GARS1: variants seen among roughly 807,000 people sequenced by gnomAD.
GARS1 encodes the protein glycine--tRNA ligase.
Under a neutral mutation model 86.4 loss-of-function variants are expected in GARS1, and 46 were observed. That is an observed-to-expected ratio of 0.53 (90% confidence interval 0.42 to 0.68). The LOEUF is 0.68. Ranked by LOEUF, GARS1 falls within the 30% of genes least tolerant of loss-of-function variation. The probability of loss-of-function intolerance (pLI) is 0.00; values close to 1 mark genes in which losing one functional copy is unlikely to be tolerated. For missense variants in GARS1, 797 were observed against 915.6 expected (o/e 0.87, Z 1.67); for synonymous variants, 342 against 329.8 (o/e 1.04, Z -0.40).
intron 12 of GARS1, among the ~76,000 whole-genome samples, chr7:30,624,044 A>G (rs949711449): frequency 6.6e-6 from 1 of 152,208 alleles, no homozygotes; most frequent in Non-Finnish European, 1.5e-5. Flanking sequence ...GTGGCCCAGG[A>G]TGGCTTTTGA....
rs539014232 is a variant in GARS1 at position 30,598,386 on chromosome 7, T to TC, written c.223-410_223-409insC. 4.7e-3 allele frequency among the ~76,000 whole-genome samples: 696 copies of TC among 148,558 alleles called. 8 individuals carry two copies. The highest frequency in any genetic ancestry group is 0.018 in the South Asian group (84 of 4,660). The stretch of plus-strand genomic sequence containing the variant: ...TTTGAATTGCATCATTCTTTTTTTT[T>TC]TTTTTTTTTTTTTTCATTTTGAGAC... On this transcript the variant is annotated intron_variant, in intron 1 of 16. Coordinates refer to ENST00000389266, the MANE Select transcript of GARS1 (RefSeq NM_002047.4).
chr7:30,617,746 A>AT (rs1782918751), intron 10 of GARS1, among the ~76,000 whole-genome samples: 1 of 152,166 alleles, frequency 6.6e-6, no homozygotes, highest in South Asian at 2.1e-4. Context: ...CTCAAATGTT[A>AT]TGTATTTAAC....
In GARS1 at chr7:30,632,482, C is replaced by G. The variant is rs780035345; in HGVS notation, c.2094+45C>G. Reference sequence around the variant, plus strand: ...GCATTTTTAGCCTTAGAAATGTGTACTGCTTCTTACTGATTTGTGTTGGAT... The same window carrying G: ...GCATTTTTAGCCTTAGAAATGTGTAGTGCTTCTTACTGATTTGTGTTGGAT... On this transcript the variant is annotated intron_variant, in intron 16 of 16. Coordinates refer to ENST00000389266, the MANE Select transcript of GARS1 (RefSeq NM_002047.4). This position sits in a 1 kb window ranked among gnomAD's most constrained non-coding sequence, Gnocchi z 4.1. 3.2e-6 allele frequency: 5 copies of G among 1,572,954 alleles called. No individual in the cohort carries two copies. The African/African-American group carries it at 5.4e-5, about 17-fold the overall frequency.
chr7:30,607,839 T>C (rs1791514406), intron 6 of GARS1, among the ~76,000 whole-genome samples: 2 of 152,192 alleles, frequency 1.3e-5, no homozygotes, highest in African/African-American at 4.8e-5. Flanking sequence ...TCCTGAGCAG[T>C]TTTTAACTTA....
chr7:30,617,083 T>C (rs1782903166), intron 9 of GARS1, 31 bp from the exon 10 acceptor site: 4 of 1,612,172 alleles, frequency 2.5e-6, no homozygotes, highest in Non-Finnish European at 3.4e-6. Context: ...TTTTCTTTTC[T>C]TCCTCCATGC....
At chr7:30,594,778 G>C (rs544405016), upstream of GARS1, 24 of 688,294 alleles carry the variant, frequency 3.5e-5, no homozygotes, top group Admixed American at 5.1e-4. Context: ...CTGCGGCGGC[G>C]ACCCGGCGCC....
In GARS1 at chr7:30,609,650, T is replaced by G. The variant is rs1018278927; in HGVS notation, c.801T>G (p.Ile267Met). 1 of 1,612,622 alleles carries G rather than the reference T, an allele frequency of 6.2e-7. No individual in the cohort carries two copies. The highest frequency in any genetic ancestry group is 8.5e-7 in the Non-Finnish European group (1 of 1,178,670). Residue 267 changes from isoleucine to methionine, a missense_variant, in exon 7 of 17, where the codon ATT (isoleucine) becomes ATG (methionine). By Grantham distance (10) the Ile-to-Met change is conservative. This residue lies in a region of GARS1 where 598 missense variants were observed against 738.7 expected (regional missense o/e 0.81). Coordinates refer to ENST00000389266, the MANE Select transcript of GARS1 (RefSeq NM_002047.4). ...TGAACTATAATGTAAAATCTCCCAT[T>G]ACTGGAAATGATCTATCCCCTCCAG... ...LFVNYNVKSPITGNDLSPPVS... is the reference protein window; with the variant it reads ...LFVNYNVKSPMTGNDLSPPVS...
chr7:30,595,999 C>T (rs1263427290), intron 1 of GARS1: 1 of 430,940 alleles, frequency 2.3e-6, no homozygotes. Flanking sequence ...TCCTAGGGCA[C>T]TGCCATAGAG....
intron 6 of GARS1, among the ~76,000 whole-genome samples, chr7:30,609,239 TCA>T (rs984265114): frequency 2.0e-5 from 3 of 152,220 alleles, no homozygotes; most frequent in African/African-American, 7.2e-5. Flanking sequence ...TTAAATATGT[TCA>T]GAGTAGTAAA....
In GARS1 at chr7:30,632,803, A is replaced by G. The variant is rs1362453134; in HGVS notation, c.2094+366A>G. 1.3e-5 allele frequency among the ~76,000 whole-genome samples: 2 copies of G among 152,240 alleles called. No individual in the cohort carries two copies. Among genetic ancestry groups the G allele is most frequent in the Non-Finnish European group, 2.9e-5 (2 of 68,048 alleles). ...TAATGTTTTATTTTTACAGACGCGTATACATGTGTATGTATAAGCTTTTCC... is the reference window on the plus strand; with the variant it reads ...TAATGTTTTATTTTTACAGACGCGTGTACATGTGTATGTATAAGCTTTTCC... On this transcript the variant is annotated intron_variant, in intron 16 of 16. Coordinates refer to ENST00000389266, the MANE Select transcript of GARS1 (RefSeq NM_002047.4). The surrounding 1 kb of genome is among the most constrained non-coding windows in gnomAD (Gnocchi z 4.1).
chr7:30,627,148 G>A (rs567429669), intron 13 of GARS1: 7 of 450,268 alleles, frequency 1.6e-5, no homozygotes, highest in Admixed American at 2.6e-5. Context: ...TCCTGGAAAC[G>A]GAGTAGTAAT....
In GARS1 at chr7:30,622,303, T is replaced by C; in HGVS notation, c.1468-14T>C. On this transcript the variant is annotated splice_polypyrimidine_tract_variant and intron_variant, in intron 11 of 16. Coordinates refer to ENST00000389266, the MANE Select transcript of GARS1 (RefSeq NM_002047.4). ...GGCAGTGCTGTAGTTTTGGATTCCT[T>C]GACTACTTCATACAAAACAGTCAAT... 1.2e-6 allele frequency: 2 copies of C among 1,614,010 alleles called. No homozygotes were observed. Among genetic ancestry groups the C allele is most frequent in the African/African-American group, 1.3e-5 (1 of 75,034 alleles).
rs778383373 is a variant in GARS1, at chr7:30,594,914, G to A, written c.-8G>A. 5.8e-6 allele frequency: 9 copies of A among 1,564,726 alleles called. No homozygotes were observed. Among genetic ancestry groups the A allele is most frequent in the Non-Finnish European group, 6.9e-6 (8 of 1,162,064 alleles). On this transcript the variant is annotated 5_prime_UTR_variant, in exon 1 of 17. Transcript: ENST00000389266. The stretch of plus-strand genomic sequence containing the variant: ...CACCCTCTCTGGACAGCCCAGGGCC[G>A]CAGGCTCATGCCCTCTCCGCGTCCA...
At chr7:30,627,000 A>C (rs2128135690) in intron 13 of GARS1, 3 of 432,170 alleles carry the variant, frequency 6.9e-6, no homozygotes, top group South Asian at 5.3e-5. Flanking sequence ...AAAAAAAGTA[A>C]TTTAGACCAG....
rs1421093342 is a variant in GARS1 at position 30,611,725 on chromosome 7, C to T, written c.882-371C>T. Among the ~76,000 whole-genome samples, 3 of 152,320 alleles carry T rather than the reference C, an allele frequency of 2.0e-5. No individual in the cohort carries two copies. The East Asian group carries it at 5.8e-4, about 29-fold the overall frequency. On this transcript the variant is annotated intron_variant, in intron 7 of 16. Transcript: ENST00000389266. ...TCTCGAACTCCCAACCTCAGGTGAT[C>T]CGCCCACTTCAGCCTCCCAAAGTGC...
intron 6 of GARS1, among the ~76,000 whole-genome samples, chr7:30,604,289 A>G (rs1791439776): frequency 6.6e-6 from 1 of 152,164 alleles, no homozygotes; most frequent in Non-Finnish European, 1.5e-5. Flanking sequence ...TCTGTTGGCT[A>G]TTCCGTTTAG....
intron 6 of GARS1, among the ~76,000 whole-genome samples, chr7:30,604,840 C>G (rs1791450460): frequency 6.6e-6 from 1 of 152,164 alleles, no homozygotes; most frequent in Admixed American, 6.5e-5. Flanking sequence ...ATTTTCCATT[C>G]AGAATTTTAG....
At chr7:30,609,512 T>TTA in intron 6 of GARS1, 73 bp from the exon 7 acceptor site, 1 of 1,298,554 alleles carries the variant, frequency 7.7e-7, no homozygotes, top group Non-Finnish European at 1.1e-6. Flanking sequence ...ATGGCTAGGG[T>TTA]TATATATAAT....
intron 14 of GARS1, 127 bp from the exon 15 acceptor site, chr7:30,631,321 C>T: frequency 1.4e-6 from 1 of 695,284 alleles, no homozygotes; most frequent in South Asian, 1.5e-5. Context: ...GTCATGTTTT[C>T]TGGCATTTTG....
Sources: allele counts gnomAD v4.1 joint callset (sites outside exome capture counted in the v4.1 genomes callset), GRCh38; gene constraint gnomAD v4.1.1; regional missense constraint gnomAD v4.1.1; non-coding constraint Gnocchi (gnomAD v3.1); transcripts MANE v1.5; gene names NCBI Gene and HGNC (gene_info 2026-07-23, HGNC 2026-07-21).